TMEM108: variants seen among roughly 807,000 people sequenced by gnomAD.
The protein encoded by TMEM108 is transmembrane protein 108, also known as cancer/testis antigen 124.
In TMEM108, 12 loss-of-function variants were observed where a neutral mutation model predicts 35.1. That is an observed-to-expected ratio of 0.34 (90% CI 0.22 to 0.55). The LOEUF (loss-of-function observed/expected upper bound fraction) is 0.55. Ranked by LOEUF, TMEM108 falls within the 20% of genes least tolerant of loss-of-function variation. The pLI, the probability that TMEM108 is intolerant of heterozygous loss-of-function variation, is 0.89. For missense variants in TMEM108, 680 were observed against 753.3 expected, an observed-to-expected ratio of 0.90 and a Z score of 1.14; for synonymous variants, 287 against 308.6, an observed-to-expected ratio of 0.93 and a Z score of 0.73.
intron 2 of TMEM108, among the ~76,000 whole-genome samples, chr3:133,102,993 G>A (rs1944106798): frequency 6.6e-6 from 1 of 152,196 alleles, no homozygotes; most frequent in Admixed American, 6.5e-5. Context: ...GTTGGTGAGT[G>A]TAAATTAGTT....
At chr3:133,232,911 G>A (rs1211637866) in intron 3 of TMEM108, among the ~76,000 whole-genome samples, 1 of 151,946 alleles carries the variant, frequency 6.6e-6, no homozygotes, top group Non-Finnish European at 1.5e-5. Context: ...ACCAGATACT[G>A]TCATTCATTT....
rs768726989 is a variant in TMEM108, at chr3:133,380,267, G to A, written c.556G>A (p.Ala186Thr). The change falls in exon 4 of 6, where the codon GCA (alanine) becomes ACA (threonine). Residue 186 changes from alanine to threonine, a missense_variant. This residue lies in a region of TMEM108 where 526 missense variants were observed against 532.1 expected (regional missense o/e 0.99). Transcript: ENST00000321871. The surrounding 1 kb of genome is among the most constrained non-coding windows in gnomAD (Gnocchi z 5.3). ...AGNSSRPVPP[A>T]PGGHSRSKEG... ...TAATTCATCACGCCCTGTCCCGCCT[G>A]CACCTGGTGGCCACTCCAGGAGTAA... is the stretch of plus-strand genomic sequence containing the variant. 6.2e-7 allele frequency: 1 copy of A among 1,614,052 alleles called. No individual in the cohort carries two copies. The highest frequency in any genetic ancestry group is 1.7e-5 in the Admixed American group (1 of 60,004).
At chr3:133,086,787 T>G (rs1391855325) in intron 2 of TMEM108, among the ~76,000 whole-genome samples, 1 of 152,176 alleles carries the variant, frequency 6.6e-6, no homozygotes, top group African/African-American at 2.4e-5. Flanking sequence ...TAGCAGAAGG[T>G]AGAGCTCTTT....
At chr3:133,139,419 T>C (rs976262570) in intron 2 of TMEM108, among the ~76,000 whole-genome samples, 1 of 152,342 alleles carries the variant, frequency 6.6e-6, no homozygotes, top group East Asian at 1.9e-4. Context: ...GTTCTTAAAG[T>C]GTTCAGAGGC....
chr3:133,329,869 T>A (rs1278414587), intron 3 of TMEM108, among the ~76,000 whole-genome samples: 1 of 152,136 alleles, frequency 6.6e-6, no homozygotes. Flanking sequence ...AGAAGGGTTA[T>A]AGGATAGTGT....
chr3:133,319,223 A>G (rs565466509), intron 3 of TMEM108, among the ~76,000 whole-genome samples: 6 of 152,252 alleles, frequency 3.9e-5, no homozygotes, highest in African/African-American at 1.4e-4. Flanking sequence ...CCTGCCTAAC[A>G]CTGCCCCCGC....
chr3:133,382,311 T>C (rs1054919819), intron 4 of TMEM108, among the ~76,000 whole-genome samples: 5 of 152,222 alleles, frequency 3.3e-5, no homozygotes, highest in African/African-American at 1.2e-4. Context: ...TCCCACTCTA[T>C]GGCCCTAAGC....
chr3:133,044,724 C>A (rs1162262988), intron 1 of TMEM108, among the ~76,000 whole-genome samples: 2 of 152,128 alleles, frequency 1.3e-5, no homozygotes, highest in Non-Finnish European at 2.9e-5. Flanking sequence ...GAGGCTGAGG[C>A]AGGAGAATTG....
chr3:133,269,402 C>CCAGA (rs1052588106), intron 3 of TMEM108, among the ~76,000 whole-genome samples: 4 of 152,138 alleles, frequency 2.6e-5, no homozygotes, highest in Non-Finnish European at 5.9e-5. Context: ...TTCAGACCTC[C>CCAGA]CAGAGCCTTA....
At chr3:133,214,442 C>T (rs1945876974) in intron 2 of TMEM108, among the ~76,000 whole-genome samples, 1 of 152,140 alleles carries the variant, frequency 6.6e-6, no homozygotes, top group African/African-American at 2.4e-5. Context: ...ATATCTCAAC[C>T]TTCCTAGTCT....
chr3:133,154,869 A>T (rs908158775), intron 2 of TMEM108, among the ~76,000 whole-genome samples: 33 of 150,058 alleles, frequency 2.2e-4, no homozygotes, highest in African/African-American at 6.1e-4. Flanking sequence ...AATAATAATT[A>T]AAAAAAATTA....
chr3:133,226,074 G>A (rs1399025619), intron 2 of TMEM108, among the ~76,000 whole-genome samples: 3 of 152,212 alleles, frequency 2.0e-5, no homozygotes, highest in Non-Finnish European at 2.9e-5. Flanking sequence ...AGGGCTTACA[G>A]GTCATAGGTG....
At position 133,177,246 on chromosome 3, in the gene TMEM108, G is replaced by A. The variant is rs908271163; in HGVS notation, c.-46-52020G>A. ...AATTCTACCAGAGGTACAAGGAGGA[G>A]CTGGTACCATTCCTTCTGAAACTAT... On this transcript the variant is annotated intron_variant, in intron 2 of 5. Transcript: ENST00000321871. Among the ~76,000 whole-genome samples, 83 of 151,858 alleles carry A rather than the reference G, an allele frequency of 5.5e-4. 1 individual carries two copies. The East Asian group carries it at 9.3e-3, about 17-fold the overall frequency.
intron 3 of TMEM108, among the ~76,000 whole-genome samples, chr3:133,259,527 A>G (rs563543660): frequency 6.6e-6 from 1 of 152,358 alleles, no homozygotes; most frequent in Admixed American, 6.5e-5. Flanking sequence ...CAATAAGGTT[A>G]AATAATACTC....
intron 2 of TMEM108, among the ~76,000 whole-genome samples, chr3:133,216,236 T>C (rs1178677720): frequency 1.3e-5 from 2 of 152,114 alleles, no homozygotes; most frequent in African/African-American, 4.8e-5. Context: ...TTCTATGAAA[T>C]TGAGAAGTAT....
At chr3:133,307,824 C>G (rs1191880613) in intron 3 of TMEM108, among the ~76,000 whole-genome samples, 1 of 151,990 alleles carries the variant, frequency 6.6e-6, no homozygotes, top group African/African-American at 2.4e-5. Flanking sequence ...GTTCTTTTTG[C>G]TTAGGATTGT....
intron 2 of TMEM108, among the ~76,000 whole-genome samples, chr3:133,177,274 C>T (rs201528722): frequency 0.19 from 29,252 of 151,924 alleles, 3,122 homozygotes; most frequent in East Asian, 0.43. Context: ...GAAACTATTC[C>T]AATCAATAGA....
chr3:133,093,045 A>G (rs1164340838), intron 2 of TMEM108, among the ~76,000 whole-genome samples: 3 of 148,912 alleles, frequency 2.0e-5, no homozygotes, highest in Non-Finnish European at 4.4e-5. Context: ...GCTTGAGTGC[A>G]GTGGTGCGAT....
At chr3:133,068,162 A>G (rs981990780) in intron 2 of TMEM108, among the ~76,000 whole-genome samples, 4 of 152,016 alleles carry the variant, frequency 2.6e-5, no homozygotes, top group African/African-American at 4.8e-5. Flanking sequence ...CCACCTCCCA[A>G]CACTGTTGCA....
Sources: allele counts gnomAD v4.1 joint callset (sites outside exome capture counted in the v4.1 genomes callset), GRCh38; gene constraint gnomAD v4.1.1; regional missense constraint gnomAD v4.1.1; non-coding constraint Gnocchi (gnomAD v3.1); transcripts MANE v1.5; gene names NCBI Gene and HGNC (gene_info 2026-07-23, HGNC 2026-07-21).